GRID1: variants seen among roughly 807,000 people sequenced by gnomAD.
GRID1 encodes the protein glutamate receptor ionotropic, delta-1.
GRID1 carries 28 observed loss-of-function variants against 98.0 expected under a neutral mutation model. The observed-to-expected ratio is 0.29, with a 90% CI of 0.21 to 0.39. GRID1 has a LOEUF of 0.39. GRID1 is among the 10% of genes least tolerant of loss of function. The pLI is 1.00. For synonymous variants in GRID1, 553 were observed against 538.5 expected (o/e 1.03, Z -0.37); for missense variants, 1,111 against 1,340.5 (o/e 0.83, Z 2.67).
chr10:86,211,424 C>T (rs1589412531), intron 2 of GRID1, among the ~76,000 whole-genome samples: 1 of 152,202 alleles, frequency 6.6e-6, no homozygotes, highest in East Asian at 1.9e-4. Flanking sequence ...CCCACCTGCA[C>T]CCTGTGTCCT....
At chr10:86,061,888 A>T (rs1309287561) in intron 4 of GRID1, among the ~76,000 whole-genome samples, 1 of 152,116 alleles carries the variant, frequency 6.6e-6, no homozygotes, top group Non-Finnish European at 1.5e-5. Context: ...GGGGTTCTTA[A>T]TTTCTTTCTC....
chr10:86,007,728 A>T (rs1011686862), intron 4 of GRID1, among the ~76,000 whole-genome samples: 9 of 152,194 alleles, frequency 5.9e-5, no homozygotes, highest in African/African-American at 2.2e-4. Context: ...CTCTGGCCAG[A>T]TCCATCAAAG....
intron 8 of GRID1, among the ~76,000 whole-genome samples, chr10:85,798,022 G>A (rs1842541674): frequency 6.6e-6 from 1 of 152,048 alleles, no homozygotes; most frequent in Non-Finnish European, 1.5e-5. Flanking sequence ...CCATTGATGG[G>A]TACCTGGTTG....
chr10:85,980,291 C>A (rs913343897), intron 4 of GRID1, among the ~76,000 whole-genome samples: 7 of 152,254 alleles, frequency 4.6e-5, no homozygotes, highest in African/African-American at 1.7e-4. Flanking sequence ...TGGGCCCCTA[C>A]TCCTAGGACA....
chr10:86,133,913 T>C (rs1844876015), intron 4 of GRID1, among the ~76,000 whole-genome samples: 1 of 152,086 alleles, frequency 6.6e-6, no homozygotes, highest in South Asian at 2.1e-4. Context: ...CTCTTCTCCA[T>C]AAAGAAAACA....
At chr10:85,929,230 A>C (rs936483041) in intron 4 of GRID1, among the ~76,000 whole-genome samples, 1 of 152,232 alleles carries the variant, frequency 6.6e-6, no homozygotes, top group African/African-American at 2.4e-5. Context: ...GTGCAAGGCC[A>C]GCACAGGACC....
intron 4 of GRID1, among the ~76,000 whole-genome samples, chr10:86,062,789 C>A (rs1843667169): frequency 6.6e-6 from 1 of 152,230 alleles, no homozygotes; most frequent in Non-Finnish European, 1.5e-5. Flanking sequence ...ACCCCATGCC[C>A]AGCACCCGTC....
In GRID1 at chr10:86,017,348, T is replaced by G. The variant is rs79298190; in HGVS notation, c.727-101109A>C. Among the ~76,000 whole-genome samples the G allele has an allele frequency of 8.9e-3, 1,351 of 152,326 alleles. 8 individuals are homozygous for G. Among genetic ancestry groups the G allele is most frequent in the Non-Finnish European group, 0.014 (951 of 68,026 alleles). On this transcript the variant is annotated intron_variant, in intron 4 of 15. Transcript: ENST00000327946. ...GTGTGACCAGGCACACAGCAAGTGC[T>G]CAGAATTTGAATTGTCAAAGAAGGC... is the stretch of plus-strand genomic sequence containing the variant.
intron 4 of GRID1, among the ~76,000 whole-genome samples, chr10:85,924,517 G>A (rs1841748654): frequency 1.3e-5 from 2 of 152,184 alleles, no homozygotes; most frequent in African/African-American, 2.4e-5. Context: ...CATTTGTACT[G>A]AGCGTTGAAC....
At chr10:86,032,384 G>A (rs953034300) in intron 4 of GRID1, among the ~76,000 whole-genome samples, 1 of 152,166 alleles carries the variant, frequency 6.6e-6, no homozygotes, top group Non-Finnish European at 1.5e-5. Context: ...TCGAGTGTAA[G>A]GGGGGGAAGT....
At chr10:85,912,565 G>T (rs1467733151) in intron 5 of GRID1, among the ~76,000 whole-genome samples, 4 of 152,254 alleles carry the variant, frequency 2.6e-5, no homozygotes, top group African/African-American at 9.6e-5. Flanking sequence ...AAACTGAAAG[G>T]CAGAGCCTGT....
intron 4 of GRID1, among the ~76,000 whole-genome samples, chr10:85,920,686 A>G (rs1841690434): frequency 6.7e-6 from 1 of 149,650 alleles, no homozygotes; most frequent in Non-Finnish European, 1.5e-5. Flanking sequence ...ATCGAGCTGC[A>G]TAATGCTGTG....
At chr10:85,667,066 G>A (rs762762904) in intron 12 of GRID1, among the ~76,000 whole-genome samples, 2 of 152,192 alleles carry the variant, frequency 1.3e-5, no homozygotes, top group Non-Finnish European at 2.9e-5. Context: ...GAGGCAGAGA[G>A]GAGCAGACAC....
intron 13 of GRID1, among the ~76,000 whole-genome samples, chr10:85,643,055 T>C (rs1409314863): frequency 6.6e-6 from 1 of 152,090 alleles, no homozygotes; most frequent in Non-Finnish European, 1.5e-5. Context: ...TGGTTTCATG[T>C]CATTAAAAGC....
At chr10:86,171,510 G>A (rs1405219515) in intron 3 of GRID1, among the ~76,000 whole-genome samples, 1 of 152,214 alleles carries the variant, frequency 6.6e-6, no homozygotes, top group African/African-American at 2.4e-5. Flanking sequence ...ATTAACCGAG[G>A]TGGGGACCCA....
intron 2 of GRID1, among the ~76,000 whole-genome samples, chr10:86,332,752 G>A (rs573543257): frequency 5.3e-4 from 79 of 149,638 alleles, no homozygotes; most frequent in Non-Finnish European, 4.6e-4. Flanking sequence ...GGTCTACACC[G>A]ACCTCACATC....
At chr10:85,743,754 T>C (rs942771300) in intron 8 of GRID1, among the ~76,000 whole-genome samples, 2 of 152,200 alleles carry the variant, frequency 1.3e-5, no homozygotes, top group Admixed American at 6.5e-5. Context: ...CAGAAAATTT[T>C]AGAAATTTTT....
At chr10:86,122,373 A>G (rs1394381839) in intron 4 of GRID1, among the ~76,000 whole-genome samples, 1 of 152,240 alleles carries the variant, frequency 6.6e-6, no homozygotes, top group Admixed American at 6.5e-5. Context: ...AAGCAGGATC[A>G]TTCCCTGCAC....
chr10:85,853,789 CTT>C (rs918681556), intron 8 of GRID1, among the ~76,000 whole-genome samples: 13 of 152,170 alleles, frequency 8.5e-5, no homozygotes, highest in Non-Finnish European at 1.9e-4. Context: ...CTGTTAGACT[CTT>C]TGTGTCATGA....
Sources: gnomAD v4.1 joint callset for allele counts (sites outside exome capture counted in the v4.1 genomes callset) on GRCh38, gnomAD v4.1.1 for gene constraint, MANE v1.5 for transcripts, NCBI Gene and HGNC (gene_info 2026-07-23, HGNC 2026-07-21) for gene names.